The following SP1 variants were observed in gnomAD, a reference collection of about 807,000 sequenced individuals.
The protein encoded by SP1 is Sp1 transcription factor.
In SP1, 6 loss-of-function variants were observed where a neutral mutation model predicts 66.3. That is an observed-to-expected ratio of 0.09 (90% CI 0.05 to 0.18). The LOEUF (loss-of-function observed/expected upper bound fraction) is 0.18, where lower values mean the gene tolerates loss of function less well. Among genes scored for constraint, SP1 ranks in the 10% least tolerant of loss-of-function variants. The pLI, the probability that SP1 is intolerant of heterozygous loss-of-function variation, is 1.00. For synonymous variants in SP1, 417 were observed against 360.8 expected, an observed-to-expected ratio of 1.16 and a Z score of -1.77; for missense variants, 848 against 964.5, an observed-to-expected ratio of 0.88 and a Z score of 1.60.
rs758598186 is a variant in SP1, at chr12:53,382,754, C to T, written c.807C>T (p.Val269=). ...ALNGNITLLP[V]NSVSAATLTP... ...ATGGGAACATCACCTTGCTACCTGT[C>T]AACAGCGTTTCTGCAGCTACCTTGA... is the stretch of plus-strand genomic sequence containing the variant. Residue 269 remains valine, a synonymous_variant, in exon 3 of 6, where the codon GTC becomes GTT. Coordinates refer to ENST00000327443, the MANE Select transcript of SP1 (RefSeq NM_138473.3). The T allele has an allele frequency of 2.5e-6, 4 of 1,614,164 alleles. No homozygotes were observed. The South Asian group carries it at 4.4e-5, about 18-fold the overall frequency.
At chr12:53,407,837 C>T (rs1180990907) in intron 4 of SP1, among the ~76,000 whole-genome samples, 2 of 150,346 alleles carry the variant, frequency 1.3e-5, no homozygotes, top group African/African-American at 2.4e-5. Context: ...GGGGTTTCAC[C>T]GTGTTAGCCA....
In SP1 at chr12:53,394,957, C is replaced by T. The variant is rs971887367; in HGVS notation, c.1675+11335C>T. On this transcript the variant is annotated intron_variant, in intron 3 of 5. Transcript: ENST00000327443. ...TGTTGCCTAGGGTAGTCTTGAACTC[C>T]TGGGTTCAAGCAATCCTCCGACTCA... Among the ~76,000 whole-genome samples the T allele has an allele frequency of 9.2e-5, 14 of 152,056 alleles. No homozygotes were observed. The East Asian group carries it at 1.4e-3, about 15-fold the overall frequency.
At chr12:53,403,518 A>G (rs1938658766) in intron 3 of SP1, among the ~76,000 whole-genome samples, 1 of 113,502 alleles carries the variant, frequency 8.8e-6, no homozygotes, top group African/African-American at 3.7e-5. Context: ...ATGCCCAGCT[A>G]ATTTTTTTTT....
At chr12:53,401,608 A>G (rs1279712883) in intron 3 of SP1, among the ~76,000 whole-genome samples, 5 of 152,162 alleles carry the variant, frequency 3.3e-5, no homozygotes, top group Non-Finnish European at 7.3e-5. Flanking sequence ...TTAAGAAAAT[A>G]TGATTTGGGG....
chr12:53,408,559 G>C (rs1472392946), intron 4 of SP1, among the ~76,000 whole-genome samples: 3 of 150,832 alleles, frequency 2.0e-5, no homozygotes, highest in African/African-American at 7.3e-5. Context: ...GCCTCCAAAA[G>C]TGTTGGGATT....
intron 1 of SP1, 192 bp downstream of exon 1, chr12:53,380,490 T>G (rs894965447): frequency 1.7e-4 from 71 of 412,016 alleles, no homozygotes; most frequent in East Asian, 3.1e-4. Flanking sequence ...AGGAGGGGGA[T>G]GGGCCGCCCG....
chr12:53,393,077 C>A (rs886997754), intron 3 of SP1, among the ~76,000 whole-genome samples: 42 of 152,048 alleles, frequency 2.8e-4, no homozygotes, highest in Admixed American at 2.4e-3. Context: ...CCTGCCTCAA[C>A]CTCCCAAGTG....
intron 3 of SP1, among the ~76,000 whole-genome samples, chr12:53,390,478 T>A (rs1241158174): frequency 2.0e-5 from 3 of 151,902 alleles, no homozygotes; most frequent in African/African-American, 7.3e-5. Context: ...AGCTCAGGAG[T>A]TCGTGACCAG....
At chr12:53,386,946 T>G (rs1337905490) in intron 3 of SP1, among the ~76,000 whole-genome samples, 2 of 151,598 alleles carry the variant, frequency 1.3e-5, no homozygotes, top group Non-Finnish European at 2.9e-5. Context: ...GTTTGTTTTT[T>G]TTTTTTTTTT....
chr12:53,383,990 G>T (rs898548520), intron 3 of SP1, among the ~76,000 whole-genome samples: 3 of 145,298 alleles, frequency 2.1e-5, no homozygotes, highest in Non-Finnish European at 3.0e-5. Flanking sequence ...TTTTTTTTGA[G>T]ACAGAGTCTT....
At chr12:53,385,275 CAG>C (rs1343435458) in intron 3 of SP1, among the ~76,000 whole-genome samples, 1 of 150,798 alleles carries the variant, frequency 6.6e-6, no homozygotes, top group Admixed American at 6.6e-5. Context: ...GCCTGGTTGA[CAG>C]AGCAAGACCC....
chr12:53,409,094 G>A (rs1175128415), intron 4 of SP1, among the ~76,000 whole-genome samples: 4 of 151,416 alleles, frequency 2.6e-5, no homozygotes, highest in African/African-American at 4.9e-5. Context: ...GCATGGTGGT[G>A]TGCACCTGTA....
chr12:53,387,546 T>C (rs1938258245), intron 3 of SP1, among the ~76,000 whole-genome samples: 1 of 152,198 alleles, frequency 6.6e-6, no homozygotes, highest in African/African-American at 2.4e-5. Flanking sequence ...ACTGAAGTTA[T>C]TTAGTACAAC....
At chr12:53,380,727 G>T (rs1938070529) in intron 1 of SP1, 2 of 859,374 alleles carry the variant, frequency 2.3e-6, no homozygotes, top group Non-Finnish European at 1.4e-6. Context: ...ACTTTCCGTA[G>T]ATTTCCCTTC....
chr12:53,402,506 G>A (rs1042403281), intron 3 of SP1, among the ~76,000 whole-genome samples: 3 of 151,922 alleles, frequency 2.0e-5, no homozygotes, highest in Admixed American at 2.0e-4. Context: ...ACAGGCGTGA[G>A]CCGTTGCGCC....
chr12:53,382,034 T>A, intron 2 of SP1, 76 bp from the exon 3 acceptor site: 1 of 1,409,328 alleles, frequency 7.1e-7, no homozygotes. Flanking sequence ...ACGTTGCTGT[T>A]TATTTGTTGT....
chr12:53,413,328 T>C lies in SP1; in HGVS notation c.*2088T>C, dbSNP rs1938934090. On this transcript the variant is annotated 3_prime_UTR_variant, in exon 6 of 6. Transcript: ENST00000327443. ...TGAAAGTGAAACCAACATCCAGATC[T>C]ATAGCAGAGTCCTTATTCTTCTCAT... 6.6e-6 allele frequency: 1 copy of C among 152,268 alleles called. No homozygotes were observed. Among genetic ancestry groups the C allele is most frequent in the Non-Finnish European group, 1.5e-5 (1 of 68,034 alleles). The allele number at this position is 152,268 out of a possible 1,614,324, so 9.4% of individuals were successfully genotyped here.
rs1361241010 is a variant in SP1 at position 53,380,182 on chromosome 12, C to G, written c.-110C>G. The G allele has an allele frequency of 4.0e-6, 3 of 754,260 alleles. No homozygotes were observed. Among genetic ancestry groups the G allele is most frequent in the African/African-American group, 1.7e-5 (1 of 57,696 alleles). 46.7% of individuals were successfully genotyped at this position (754,260 alleles called of 1,614,324 possible). ...GCGCTGCTCCCTCCTCCTTACCCCC[C>G]CCTCCCTGTCCGGTCCGGGTTCGCT... On this transcript the variant is annotated 5_prime_UTR_variant, in exon 1 of 6. Transcript: ENST00000327443.
intron 1 of SP1, 73 bp from the exon 2 acceptor site, chr12:53,381,586 C>A: frequency 7.3e-7 from 1 of 1,373,184 alleles, no homozygotes; most frequent in Non-Finnish European, 9.9e-7. Context: ...TTCATCATAG[C>A]CTCCTTTTAT....
Sources: allele counts gnomAD v4.1 joint callset (sites outside exome capture counted in the v4.1 genomes callset), GRCh38; gene constraint gnomAD v4.1.1; transcripts MANE v1.5; gene names NCBI Gene and HGNC (gene_info 2026-07-23, HGNC 2026-07-21).